The following FAT3 variants were observed in gnomAD, a reference collection of about 807,000 sequenced individuals.
FAT3 encodes protocadherin Fat 3.
FAT3 carries 95 observed loss-of-function variants against 310.2 expected under a neutral mutation model. That is an observed-to-expected ratio of 0.31 (90% CI 0.26 to 0.36). The LOEUF (loss-of-function observed/expected upper bound fraction) is 0.36, where lower values mean the gene tolerates loss of function less well. Among genes scored for constraint, FAT3 ranks in the 10% least tolerant of loss-of-function variants. FAT3 has a pLI of 1.00. For missense variants in FAT3, 5,408 were observed against 5,715.6 expected (o/e 0.95, Z 1.74); for synonymous variants, 2,314 against 2,192.9 (o/e 1.06, Z -1.54).
chr11:92,397,996 T>G (rs1005945114), intron 2 of FAT3, among the ~76,000 whole-genome samples: 1 of 152,050 alleles, frequency 6.6e-6, no homozygotes, highest in African/African-American at 2.4e-5. Context: ...CAGAAATGTA[T>G]TGTCTGACAG....
In FAT3 at chr11:92,626,980, T is replaced by C. The variant is rs72958540; in HGVS notation, c.3608-70404T>C. ...TCCTTAAGAAAAAATGAGTGAATTC[T>C]ATTAATGGAGCTGTAACATTGTTGA... On this transcript the variant is annotated intron_variant, in intron 3 of 27. Transcript: ENST00000525166. Among the ~76,000 whole-genome samples the C allele has an allele frequency of 6.9e-3, 1,057 of 152,338 alleles. 3 individuals carry two copies. The highest frequency in any genetic ancestry group is 0.012 in the Non-Finnish European group (796 of 68,026).
At chr11:92,461,907 G>T (rs566177334) in intron 2 of FAT3, among the ~76,000 whole-genome samples, 1 of 152,162 alleles carries the variant, frequency 6.6e-6, no homozygotes, top group Non-Finnish European at 1.5e-5. Context: ...CAAATGCTTT[G>T]TTATATGTTT....
chr11:92,244,087 A>G (rs1864787994), intron 1 of FAT3, among the ~76,000 whole-genome samples: 1 of 152,016 alleles, frequency 6.6e-6, no homozygotes, highest in South Asian at 2.1e-4. Flanking sequence ...TTGTGTGGGT[A>G]TTTAGAAGAG....
chr11:92,800,325 G>A lies in FAT3; in HGVS notation c.7312G>A (p.Asp2438Asn). 1.2e-6 allele frequency: 2 copies of A among 1,613,944 alleles called. No homozygotes were observed. The highest frequency in any genetic ancestry group is 1.1e-5 in the South Asian group (1 of 91,058). ...RLEYSILSGN[D>N]RTSFLMDSKS... The stretch of plus-strand genomic sequence containing the variant: ...GGAATATAGCATTTTATCTGGGAAT[G>A]ACCGGACGAGCTTTCTGATGGACAG... The change falls in exon 10 of 28, where the codon GAC (aspartate) becomes AAC (asparagine). Residue 2438 changes from aspartate (D) to asparagine (N), a missense_variant. By Grantham distance (23) the Asp-to-Asn change is conservative. Coordinates refer to ENST00000525166, the MANE Select transcript of FAT3 (RefSeq NM_001367949.2).
intron 3 of FAT3, among the ~76,000 whole-genome samples, chr11:92,571,719 G>T (rs79735545): frequency 0.016 from 2,504 of 152,188 alleles, 38 homozygotes; most frequent in African/African-American, 0.035. Context: ...TTCTCTCTCT[G>T]CATCTCCTTT....
intron 3 of FAT3, among the ~76,000 whole-genome samples, chr11:92,688,027 T>C (rs942900141): frequency 6.7e-6 from 1 of 148,922 alleles, no homozygotes; most frequent in Admixed American, 6.7e-5. Context: ...ACCACATCTC[T>C]ACCAAAAAAA....
At chr11:92,426,141 T>C (rs1411109360) in intron 2 of FAT3, among the ~76,000 whole-genome samples, 1 of 152,232 alleles carries the variant, frequency 6.6e-6, no homozygotes, top group Non-Finnish European at 1.5e-5. Flanking sequence ...CCAGTGATGA[T>C]GACCTTTTTT....
At chr11:92,245,752 C>T (rs369881755) in intron 1 of FAT3, among the ~76,000 whole-genome samples, 49 of 152,238 alleles carry the variant, frequency 3.2e-4, no homozygotes, top group African/African-American at 1.1e-3. Context: ...ACTTTATTTG[C>T]AAAAACTGGC....
Position 92,595,946 on chromosome 11 carries a change from C to CCTGGAA in FAT3, c.3607+71000_3607+71005dup, listed in dbSNP as rs1485029296. 2.0e-5 allele frequency among the ~76,000 whole-genome samples: 3 copies of CCTGGAA among 152,226 alleles called. No individual in the cohort carries two copies. The East Asian group carries it at 5.8e-4, about 29-fold the overall frequency. ...GTAATTGACACCTTTTCTTGACTAACCTGGAACAAGAGAGTACATTGGGCA... is the reference window on the plus strand; with the variant it reads ...GTAATTGACACCTTTTCTTGACTAACCTGGAACTGGAACAAGAGAGTACATTGGGCA... On this transcript the variant is annotated intron_variant, in intron 3 of 27. Coordinates refer to ENST00000525166, the MANE Select transcript of FAT3 (RefSeq NM_001367949.2).
At chr11:92,618,507 G>T (rs962995948) in intron 3 of FAT3, among the ~76,000 whole-genome samples, 2 of 152,162 alleles carry the variant, frequency 1.3e-5, no homozygotes, top group African/African-American at 4.8e-5. Context: ...CCAGTGAGAT[G>T]AACCCAGTAC....
chr11:92,581,055 G>C (rs1938766996), intron 3 of FAT3, among the ~76,000 whole-genome samples: 1 of 152,036 alleles, frequency 6.6e-6, no homozygotes, highest in Non-Finnish European at 1.5e-5. Flanking sequence ...CTGGACAGCT[G>C]TTGGCTTCGT....
At chr11:92,460,102 T>G (rs545380887) in intron 2 of FAT3, among the ~76,000 whole-genome samples, 1 of 152,328 alleles carries the variant, frequency 6.6e-6, no homozygotes, top group East Asian at 1.9e-4. Flanking sequence ...GATGCCTGCC[T>G]TGGATATTTG....
chr11:92,669,266 C>T (rs1943054242), intron 3 of FAT3, among the ~76,000 whole-genome samples: 1 of 152,118 alleles, frequency 6.6e-6, no homozygotes, highest in Non-Finnish European at 1.5e-5. Flanking sequence ...CAGACAGATC[C>T]CGGCTCCAAA....
At position 92,801,737 on chromosome 11, in the gene FAT3, C is replaced by T. The variant is rs1947361750; in HGVS notation, c.8724C>T (p.Ala2908=). 3.7e-6 allele frequency: 6 copies of T among 1,613,962 alleles called. No homozygotes were observed. In the East Asian group the frequency reaches 1.1e-4, roughly 30 times the overall value. ...LGEAFSLSST[A]LVSVRVTDIN... Reference sequence around the variant, plus strand: ...AGGCATTCTCTCTTTCCTCCACGGCCTTGGTCTCTGTCAGAGTGACAGATA... The same window carrying T: ...AGGCATTCTCTCTTTCCTCCACGGCTTTGGTCTCTGTCAGAGTGACAGATA... The change falls in exon 10 of 28, where the codon GCC becomes GCT. Residue 2908 remains alanine, a synonymous_variant. Transcript: ENST00000525166.
intron 2 of FAT3, among the ~76,000 whole-genome samples, chr11:92,383,491 T>G (rs946714331): frequency 2.6e-5 from 4 of 152,194 alleles, no homozygotes; most frequent in African/African-American, 9.6e-5. Flanking sequence ...TGTATTTGTT[T>G]TCCCTCCCAG....
At chr11:92,248,292 T>G (rs1281606083) in intron 1 of FAT3, among the ~76,000 whole-genome samples, 3 of 152,094 alleles carry the variant, frequency 2.0e-5, no homozygotes, top group African/African-American at 2.4e-5. Context: ...ATAAAATGAA[T>G]TGGAAGAGTA....
At chr11:92,401,450 A>G (rs1818505062) in intron 2 of FAT3, among the ~76,000 whole-genome samples, 1 of 152,160 alleles carries the variant, frequency 6.6e-6, no homozygotes, top group South Asian at 2.1e-4. Flanking sequence ...CAGCTGGGAG[A>G]CGAGAATTTG....
At chr11:92,363,193 T>C (rs1948924419) in intron 2 of FAT3, among the ~76,000 whole-genome samples, 1 of 152,218 alleles carries the variant, frequency 6.6e-6, no homozygotes, top group Non-Finnish European at 1.5e-5. Context: ...TTTATTTATT[T>C]AGTTCAATTG....
At chr11:92,525,827 A>C (rs980019547) in intron 3 of FAT3, among the ~76,000 whole-genome samples, 3 of 152,202 alleles carry the variant, frequency 2.0e-5, no homozygotes, top group Admixed American at 1.3e-4. Flanking sequence ...CAGCTCTCCT[A>C]ATGAACTACT....
Sources: allele counts gnomAD v4.1 joint callset (sites outside exome capture counted in the v4.1 genomes callset), GRCh38; gene constraint gnomAD v4.1.1; transcripts MANE v1.5; gene names NCBI Gene and HGNC (gene_info 2026-07-23, HGNC 2026-07-21).